PLA2G4D: variants seen among roughly 807,000 people sequenced by gnomAD.
PLA2G4D encodes cytosolic phospholipase A2 delta.
PLA2G4D carries 80 observed loss-of-function variants against 94.4 expected under a neutral mutation model. That is an observed-to-expected ratio of 0.85 (90% confidence interval 0.71 to 1.02). PLA2G4D has a LOEUF of 1.02. PLA2G4D is among the 50% of genes least tolerant of loss of function. PLA2G4D has a pLI of 0.00. For missense variants in PLA2G4D, 1,050 were observed against 1,034.7 expected (o/e 1.01, Z -0.20); for synonymous variants, 438 against 440.9 (o/e 0.99, Z 0.08).
intron 19 of PLA2G4D, 35 bp from the exon 20 acceptor site, chr15:42,068,976 C>T (rs569609658): frequency 7.4e-5 from 116 of 1,573,076 alleles, no homozygotes; most frequent in Admixed American, 1.4e-4. Context: ...AGGAGCAGGA[C>T]GCCGGGGCTT....
In PLA2G4D at chr15:42,079,673, T is replaced by A. The variant is rs766940241; in HGVS notation, c.1181A>T (p.Lys394Met). 3.1e-6 allele frequency: 5 copies of A among 1,613,070 alleles called. No individual in the cohort carries two copies. Among genetic ancestry groups the A allele is most frequent in the Non-Finnish European group, 4.2e-6 (5 of 1,179,564 alleles). The change falls in exon 13 of 20, where the codon AAG becomes ATG. Residue 394 changes from lysine (K) to methionine (M), a missense_variant. Lys to Met is a moderately conservative substitution (Grantham distance 95). Coordinates refer to ENST00000290472, the MANE Select transcript of PLA2G4D (RefSeq NM_178034.4). ...PIRYAREHLA[K>M]SKLEVFSPER... Reference sequence around the variant, plus strand: ...TGGGGAAAAGACCTCCAGCTTGCTCTTGGCCAGGTGCTCCCGGGCGTATCT... The same window carrying A: ...TGGGGAAAAGACCTCCAGCTTGCTCATGGCCAGGTGCTCCCGGGCGTATCT...
chr15:42,075,225 A>G (rs1243380249), intron 13 of PLA2G4D, among the ~76,000 whole-genome samples: 2 of 152,388 alleles, frequency 1.3e-5, no homozygotes, highest in South Asian at 4.1e-4. Flanking sequence ...AAAAATGTCT[A>G]TAAAGCTTGC....
chr15:42,086,564 A>G (rs557983837), intron 3 of PLA2G4D, among the ~76,000 whole-genome samples: 2 of 152,298 alleles, frequency 1.3e-5, no homozygotes, highest in South Asian at 4.1e-4. Flanking sequence ...CAAACATAAA[A>G]TTCTGAGCTG....
At chr15:42,082,825 T>C (rs577442109) in intron 8 of PLA2G4D, among the ~76,000 whole-genome samples, 2 of 151,930 alleles carry the variant, frequency 1.3e-5, no homozygotes, top group South Asian at 2.1e-4. Flanking sequence ...ACTTGGCATA[T>C]TGGAAATGAG....
intron 3 of PLA2G4D, 108 bp from the exon 4 acceptor site, chr15:42,086,452 A>G (rs77332371): frequency 0.093 from 97,360 of 1,048,714 alleles, 5,190 homozygotes; most frequent in Middle Eastern, 0.11. Flanking sequence ...TCATTATGCC[A>G]CCACACGTCT....
intron 19 of PLA2G4D, 21 bp downstream of exon 19, chr15:42,069,888 G>C (rs1470074828): frequency 7.2e-7 from 1 of 1,396,566 alleles, no homozygotes; most frequent in Non-Finnish European, 9.3e-7. Flanking sequence ...CAGCCTGGGT[G>C]CTTGGGAGGG....
rs564055993 is a variant in PLA2G4D, at chr15:42,084,904, A to G, written c.471+192T>C. Among the ~76,000 whole-genome samples, 3 of 151,894 alleles carry G rather than the reference A, an allele frequency of 2.0e-5. No homozygotes were observed. Among genetic ancestry groups the G allele is most frequent in the Non-Finnish European group, 4.4e-5 (3 of 67,940 alleles). Reference sequence around the variant, plus strand: ...GCAGAGCCCTGCCTCCCCTCTCTCTATGCGCCCCTTAGCTCCAGGCCCCTC... The same window carrying G: ...GCAGAGCCCTGCCTCCCCTCTCTCTGTGCGCCCCTTAGCTCCAGGCCCCTC... On this transcript the variant is annotated intron_variant, in intron 6 of 19. Coordinates refer to ENST00000290472, the MANE Select transcript of PLA2G4D (RefSeq NM_178034.4). The surrounding 1 kb of genome is among the most constrained non-coding windows in gnomAD (Gnocchi z 4.8).
Position 42,086,194 on chromosome 15 carries a change from T to TTGGGGGGGGGGGGGCGGC in PLA2G4D, c.387+18_387+19insGCCGCCCCCCCCCCCCCA. 1 of 1,370,444 alleles carries TTGGGGGGGGGGGGGCGGC rather than the reference T, an allele frequency of 7.3e-7. No individual in the cohort carries two copies. The highest frequency in any genetic ancestry group is 9.6e-7 in the Non-Finnish European group (1 of 1,043,084). 84.9% of individuals were successfully genotyped at this position (1,370,444 alleles called of 1,614,324 possible). Reference sequence around the variant, plus strand: ...GGAAGAAGTGGGGCCCACGGGGACTTCCCCACCCACCCACCCACCTGGGGA... The same window carrying TTGGGGGGGGGGGGGCGGC: ...GGAAGAAGTGGGGCCCACGGGGACTTTGGGGGGGGGGGGGCGGCCCCCACCCACCCACCCACCTGGGGA... On this transcript the variant is annotated intron_variant, in intron 4 of 19. Transcript: ENST00000290472.
At chr15:42,082,530 T>C in intron 8 of PLA2G4D, 141 bp from the exon 9 acceptor site, 1 of 494,746 alleles carries the variant, frequency 2.0e-6, no homozygotes, top group Non-Finnish European at 3.5e-6. Context: ...ATTATAATTA[T>C]AAAATTATAA....
At position 42,087,685 on chromosome 15, in the gene PLA2G4D, A is replaced by C. The variant is rs1890178248; in HGVS notation, c.61T>G (p.Cys21Gly). 1 of 1,614,022 alleles carries C rather than the reference A, an allele frequency of 6.2e-7. No homozygotes were observed. The highest frequency in any genetic ancestry group is 8.5e-7 in the Non-Finnish European group (1 of 1,180,012). The part of the protein sequence containing the change: ...GHPYQGEAST[C>G]WQLTVRVLEA... ...AGGACCCTCACTGTGAGCTGCCAGC[A>C]GGTAGAGGCCTCCCCCTGAAGAGAA... is the stretch of plus-strand genomic sequence containing the variant. The change falls in exon 2 of 20, where the codon TGC becomes GGC. Residue 21 changes from cysteine (C) to glycine (G), a missense_variant. By Grantham distance (159) the Cys-to-Gly change is radical. Coordinates refer to ENST00000290472, the MANE Select transcript of PLA2G4D (RefSeq NM_178034.4).
chr15:42,072,163 CG>C, intron 14 of PLA2G4D, 111 bp downstream of exon 14: 2 of 1,103,368 alleles, frequency 1.8e-6, no homozygotes. Flanking sequence ...ACTGCCCTTC[CG>C]GAACATTGGG....
intron 1 of PLA2G4D, among the ~76,000 whole-genome samples, chr15:42,094,100 C>T (rs891003794): frequency 4.6e-5 from 7 of 152,078 alleles, no homozygotes; most frequent in Non-Finnish European, 8.8e-5. Context: ...GGGCTGTGGG[C>T]CTGGTGGGTC....
At chr15:42,083,430 C>T in intron 7 of PLA2G4D, 96 bp from the exon 8 acceptor site, 3 of 1,503,134 alleles carry the variant, frequency 2.0e-6, no homozygotes, top group Non-Finnish European at 1.8e-6. Flanking sequence ...TCAGAGGATG[C>T]CTGGGAGGCT....
chr15:42,080,860 G>A (rs1470665117), intron 12 of PLA2G4D, 137 bp downstream of exon 12: 12 of 1,214,728 alleles, frequency 9.9e-6, no homozygotes, highest in East Asian at 2.7e-5. Flanking sequence ...CTTCCTTGTG[G>A]GAAAGCTGCT....
rs370748980 is a variant in PLA2G4D at position 42,072,350 on chromosome 15, G to A, written c.1360C>T (p.Arg454Trp). ...TAGAGGGGCAGAGGGTTCTGACCCCGTTCCAGGGCGGCTCTCTGTCCTGAC... is the reference window on the plus strand; with the variant it reads ...TAGAGGGGCAGAGGGTTCTGACCCCATTCCAGGGCGGCTCTCTGTCCTGAC... The part of the protein sequence containing the change: ...KLSGQRAALE[R>W]GQNPLPLYLS... Residue 454 changes from arginine (R) to tryptophan (W), a missense_variant, in exon 14 of 20, where the codon CGG becomes TGG. Coordinates refer to ENST00000290472, the MANE Select transcript of PLA2G4D (RefSeq NM_178034.4). 2.7e-5 allele frequency: 43 copies of A among 1,613,544 alleles called. No individual in the cohort carries two copies. The highest frequency in any genetic ancestry group is 2.1e-4 in the African/African-American group (16 of 74,988).
chr15:42,089,038 T>A (rs1422442682), intron 1 of PLA2G4D, among the ~76,000 whole-genome samples: 1 of 152,116 alleles, frequency 6.6e-6, no homozygotes, highest in Non-Finnish European at 1.5e-5. Context: ...CAGGTTAGAC[T>A]CCCCATTAAG....
chr15:42,079,475 G>T lies in PLA2G4D; in HGVS notation c.1317+62C>A, dbSNP rs1889989783. The stretch of plus-strand genomic sequence containing the variant: ...ACGCACGCGCATGTCAGCCGCTTGG[G>T]AGCCCTGCCTTCGCCCCCGCGGTGC... On this transcript the variant is annotated intron_variant, in intron 13 of 19. Transcript: ENST00000290472. 2.0e-6 allele frequency: 3 copies of T among 1,491,350 alleles called. No homozygotes were observed. In the East Asian group the frequency reaches 7.6e-5, roughly 38 times the overall value. The allele number at this position is 1,491,350 out of a possible 1,614,324, so 92.4% of individuals were successfully genotyped here. A position where few individuals can be genotyped will look rare whatever the true frequency, so the allele number is the denominator to read the frequency against.
At chr15:42,077,049 C>T (rs180728181) in intron 13 of PLA2G4D, among the ~76,000 whole-genome samples, 1 of 151,384 alleles carries the variant, frequency 6.6e-6, no homozygotes, top group East Asian at 1.9e-4. Flanking sequence ...AACAGAAAAG[C>T]TGAACAGAAC....
At chr15:42,085,215 G>C (rs1890118471) in intron 5 of PLA2G4D, 77 bp from the exon 6 acceptor site, 1 of 1,548,964 alleles carries the variant, frequency 6.5e-7, no homozygotes, top group African/African-American at 1.4e-5. Context: ...GGTCTCCCTG[G>C]GTGATGCTGA....
Sources: allele counts gnomAD v4.1 joint callset (sites outside exome capture counted in the v4.1 genomes callset), GRCh38; gene constraint gnomAD v4.1.1; non-coding constraint Gnocchi (gnomAD v3.1); transcripts MANE v1.5; gene names NCBI Gene and HGNC (gene_info 2026-07-23, HGNC 2026-07-21).